Variants in TRIM33 observed in about 807,000 individuals in gnomAD.
The protein encoded by TRIM33 is tripartite motif containing 33.
In TRIM33, 20 loss-of-function variants were observed where a neutral mutation model predicts 125.4. The ratio of observed to expected loss-of-function variants is 0.16; its 90% CI spans 0.11 to 0.23. The LOEUF is 0.23. Ranked by LOEUF, TRIM33 falls within the 10% of genes least tolerant of loss-of-function variation. The pLI, the probability that TRIM33 is intolerant of heterozygous loss-of-function variation, is 1.00. For synonymous variants in TRIM33, 564 were observed against 513.9 expected (o/e 1.10, Z -1.32); for missense variants, 920 against 1,411.4 (o/e 0.65, Z 5.58).
chr1:114,411,079 G>A (rs375382132), intron 11 of TRIM33, among the ~76,000 whole-genome samples: 6 of 152,146 alleles, frequency 3.9e-5, no homozygotes, highest in African/African-American at 7.2e-5. Flanking sequence ...TGGCTCTGCT[G>A]TCCAGACTGA....
Position 114,395,103 on chromosome 1 carries a change from C to T in TRIM33, c.*2545G>A, listed in dbSNP as rs1453641862. On this transcript the variant is annotated 3_prime_UTR_variant, in exon 20 of 20. Transcript: ENST00000358465. ...CAATTTAAGTTTTTATACTTTTTAA[C>T]CATAGGTATATTAGAGCTGAAAAAA... 3 of 194,158 alleles carry T rather than the reference C, an allele frequency of 1.5e-5. No individual in the cohort carries two copies. The East Asian group carries it at 2.5e-4, about 16-fold the overall frequency. 12.0% of individuals were successfully genotyped at this position (194,158 alleles called of 1,614,324 possible).
chr1:114,481,639 A>ATG (rs535478935), intron 1 of TRIM33, among the ~76,000 whole-genome samples: 1,690 of 142,388 alleles, frequency 0.012, 15 homozygotes, highest in South Asian at 0.034. Context: ...CTATATATAT[A>ATG]TGTGTGTGTG....
chr1:114,433,278 C>T (rs745346947), intron 5 of TRIM33, among the ~76,000 whole-genome samples: 20 of 152,088 alleles, frequency 1.3e-4, no homozygotes, highest in Non-Finnish European at 2.4e-4. Flanking sequence ...TTGGTCCACC[C>T]GTGATACTCT....
intron 4 of TRIM33, among the ~76,000 whole-genome samples, chr1:114,460,515 T>C (rs1370038864): frequency 1.4e-5 from 2 of 145,614 alleles, no homozygotes. Flanking sequence ...ATTTCCCAAA[T>C]AAGCCTGTTT....
chr1:114,401,561 C>A, intron 16 of TRIM33, 98 bp from the exon 17 acceptor site: 1 of 935,406 alleles, frequency 1.1e-6, no homozygotes, highest in Non-Finnish European at 1.6e-6. Context: ...TTGATTACAA[C>A]AAACTGAACA....
chr1:114,410,070 C>T, intron 12 of TRIM33, 114 bp downstream of exon 12: 1 of 1,293,848 alleles, frequency 7.7e-7, no homozygotes, highest in East Asian at 2.3e-5. Context: ...CTCCCTTTCT[C>T]TCTTCAAGTA....
Position 114,427,344 on chromosome 1 carries a change from G to A in TRIM33, c.1303-50C>T, listed in dbSNP as rs745559648. 5.2e-6 allele frequency: 5 copies of A among 957,934 alleles called. 1 individual carries two copies. Among genetic ancestry groups the A allele is most frequent in the South Asian group, 4.7e-5 (3 of 63,754 alleles). 59.3% of individuals were successfully genotyped at this position (957,934 alleles called of 1,614,324 possible). ...AGTCTCAAAATTAAATATCAATTGG[G>A]AAATCATAAGATAAAGACATTAAGA... On this transcript the variant is annotated intron_variant, in intron 7 of 19. Coordinates refer to ENST00000358465, the MANE Select transcript of TRIM33 (RefSeq NM_015906.4).
chr1:114,498,359 C>T (rs1028862727), intron 1 of TRIM33, among the ~76,000 whole-genome samples: 4 of 151,896 alleles, frequency 2.6e-5, no homozygotes, highest in South Asian at 2.1e-4. Context: ...TAGAAATGTA[C>T]CATGTAGGCC....
chr1:114,406,034 T>C (rs1462920311), intron 14 of TRIM33, among the ~76,000 whole-genome samples: 1 of 152,204 alleles, frequency 6.6e-6, no homozygotes, highest in Non-Finnish European at 1.5e-5. Context: ...GAAGTGAGCA[T>C]AGGGTTATAC....
chr1:114,476,624 AAAAACATAGAGAAGTCAG>A (rs1160837237), intron 1 of TRIM33, among the ~76,000 whole-genome samples: 2 of 152,158 alleles, frequency 1.3e-5, no homozygotes, highest in Non-Finnish European at 2.9e-5. Context: ...ATGAAGAGAA[AAAAACATAGAGAAGTCAG>A]AATGGAAACA....
intron 13 of TRIM33, among the ~76,000 whole-genome samples, chr1:114,407,636 C>T (rs958731652): frequency 6.6e-6 from 1 of 152,086 alleles, no homozygotes; most frequent in African/African-American, 2.4e-5. Flanking sequence ...AGGAGCAAGC[C>T]TGAGAAAGCT....
chr1:114,478,553 G>A lies in TRIM33; in HGVS notation c.527-14165C>T, dbSNP rs193015779. ...CAAGAAAGCCCTGAAAAAACTAAAG[G>A]CCAAGTGAGAATAAAAACAAAGATT... On this transcript the variant is annotated intron_variant, in intron 1 of 19. Coordinates refer to ENST00000358465, the MANE Select transcript of TRIM33 (RefSeq NM_015906.4). 2.6e-5 allele frequency among the ~76,000 whole-genome samples: 4 copies of A among 151,938 alleles called. No individual in the cohort carries two copies. The East Asian group carries it at 7.7e-4, about 29-fold the overall frequency.
At chr1:114,509,854 G>A (rs1008315410) in intron 1 of TRIM33, among the ~76,000 whole-genome samples, 4 of 152,092 alleles carry the variant, frequency 2.6e-5, no homozygotes, top group Non-Finnish European at 5.9e-5. Flanking sequence ...CCAACACTAG[G>A]GGCTCATTAA....
At chr1:114,470,568 A>C (rs889999877) in intron 1 of TRIM33, among the ~76,000 whole-genome samples, 2 of 152,172 alleles carry the variant, frequency 1.3e-5, no homozygotes, top group Non-Finnish European at 2.9e-5. Flanking sequence ...AATTAGGCCA[A>C]TAAATAACCC....
At chr1:114,497,952 A>G (rs1652470955) in intron 1 of TRIM33, among the ~76,000 whole-genome samples, 1 of 152,054 alleles carries the variant, frequency 6.6e-6, no homozygotes, top group South Asian at 2.1e-4. Context: ...AAACAGTAAA[A>G]TAAGATGTCA....
chr1:114,501,145 C>A lies in TRIM33; in HGVS notation c.526+9406G>T, dbSNP rs973514932. Among the ~76,000 whole-genome samples the A allele has an allele frequency of 4.4e-4, 28 of 63,728 alleles. 8 individuals carry two copies. Among genetic ancestry groups the A allele is most frequent in the Middle Eastern group, 8.3e-3 (1 of 120 alleles). The allele number at this position is 63,728 out of a possible 152,430, so 41.8% of individuals were successfully genotyped here. A position where few individuals can be genotyped will look rare whatever the true frequency, so the allele number is the denominator to read the frequency against. ...GCGGAGCTTGCAGTGAGCCGAGATC[C>A]CGCCACTGCACTCCAGCCTGGGCGA... On this transcript the variant is annotated intron_variant, in intron 1 of 19. Transcript: ENST00000358465.
At chr1:114,441,627 A>G (rs558330276) in intron 4 of TRIM33, among the ~76,000 whole-genome samples, 58 of 152,336 alleles carry the variant, frequency 3.8e-4, no homozygotes, top group Admixed American at 5.9e-4. Flanking sequence ...GTAAAGCTGC[A>G]TTTTTGCAAA....
chr1:114,419,805 A>C (rs1371415005), intron 11 of TRIM33, among the ~76,000 whole-genome samples: 1 of 152,206 alleles, frequency 6.6e-6, no homozygotes, highest in Non-Finnish European at 1.5e-5. Flanking sequence ...GGGATATGTT[A>C]ATTTGTTTCA....
At chr1:114,443,652 T>C (rs111572467) in intron 4 of TRIM33, among the ~76,000 whole-genome samples, 22 of 152,216 alleles carry the variant, frequency 1.4e-4, no homozygotes, top group African/African-American at 5.3e-4. Flanking sequence ...AGGTTTTAAG[T>C]AGCCACTCTC....
Sources: gnomAD v4.1 joint callset for allele counts (sites outside exome capture counted in the v4.1 genomes callset) on GRCh38, gnomAD v4.1.1 for gene constraint, MANE v1.5 for transcripts, NCBI Gene and HGNC (gene_info 2026-07-23, HGNC 2026-07-21) for gene names.